The following KIAA1549L variants were observed in gnomAD, a reference collection of about 807,000 sequenced individuals.
KIAA1549L encodes the protein UPF0606 protein KIAA1549L.
Under a neutral mutation model 160.7 loss-of-function variants are expected in KIAA1549L, and 88 were observed. The observed-to-expected ratio is 0.55, with a 90% CI of 0.46 to 0.65. The LOEUF (loss-of-function observed/expected upper bound fraction) is 0.65. KIAA1549L is among the 30% of genes least tolerant of loss of function. The pLI is 0.00. For synonymous variants in KIAA1549L, 950 were observed against 976.7 expected (o/e 0.97, Z 0.51); for missense variants, 2,258 against 2,437.5 (o/e 0.93, Z 1.55).
intron 1 of KIAA1549L, among the ~76,000 whole-genome samples, chr11:33,447,647 A>ACACACACAC (rs1565141326): frequency 4.0e-5 from 6 of 151,200 alleles, no homozygotes; most frequent in South Asian, 2.1e-4. Context: ...ACACACACAC[A>ACACACACAC]AAATTTTAGC....
At chr11:33,430,590 T>G (rs1851218421) in intron 1 of KIAA1549L, among the ~76,000 whole-genome samples, 1 of 152,208 alleles carries the variant, frequency 6.6e-6, no homozygotes, top group African/African-American at 2.4e-5. Flanking sequence ...ATGGTGAAGC[T>G]TTGAAGCAGT....
chr11:33,606,908 T>G (rs561717166), intron 14 of KIAA1549L, 86 bp downstream of exon 14: 1 of 1,189,424 alleles, frequency 8.4e-7, no homozygotes, highest in African/African-American at 1.5e-5. Flanking sequence ...GAATACTGGG[T>G]GCAGATTGCA....
At chr11:33,387,206 C>T (rs1431928721) in intron 1 of KIAA1549L, among the ~76,000 whole-genome samples, 6 of 152,152 alleles carry the variant, frequency 3.9e-5, no homozygotes, top group South Asian at 4.2e-4. Flanking sequence ...TTTTAAGGCC[C>T]GTGAGCTTAC....
intron 1 of KIAA1549L, among the ~76,000 whole-genome samples, chr11:33,408,599 T>C (rs1450920585): frequency 6.6e-6 from 1 of 151,016 alleles, no homozygotes; most frequent in African/African-American, 2.4e-5. Flanking sequence ...TGAGCAAGTT[T>C]TTTTGGCACC....
At chr11:33,568,036 T>G in intron 8 of KIAA1549L, 40 bp from the exon 9 acceptor site, 1 of 1,544,230 alleles carries the variant, frequency 6.5e-7, no homozygotes, top group Non-Finnish European at 8.7e-7. Flanking sequence ...CAGCAGAAAG[T>G]CTGCCTTCTG....
intron 1 of KIAA1549L, among the ~76,000 whole-genome samples, chr11:33,498,067 T>C (rs2133081100): frequency 6.6e-6 from 1 of 152,256 alleles, no homozygotes; most frequent in African/African-American, 2.4e-5. Flanking sequence ...GGAGGGAAGA[T>C]TGCTTGAGGC....
chr11:33,516,342 G>A lies in KIAA1549L; in HGVS notation c.239-25460G>A, dbSNP rs1224853636. Among the ~76,000 whole-genome samples the A allele has an allele frequency of 9.6e-5, 3 of 31,150 alleles. 1 individual carries two copies. The highest frequency in any genetic ancestry group is 8.1e-4 in the Admixed American group (3 of 3,700). The allele number at this position is 31,150 out of a possible 152,430, so 20.4% of individuals were successfully genotyped here. A position where few individuals can be genotyped will look rare whatever the true frequency, so the allele number is the denominator to read the frequency against. On this transcript the variant is annotated intron_variant, in intron 1 of 20. Transcript: ENST00000658780. Reference sequence around the variant, plus strand: ...AATTTTTTGTATTTTTAGTAGAGACGGGGTTTCACCGTGTTAGCCAGGATG... The same window carrying A: ...AATTTTTTGTATTTTTAGTAGAGACAGGGTTTCACCGTGTTAGCCAGGATG...
chr11:33,576,870 G>T (rs1256427962), intron 10 of KIAA1549L, among the ~76,000 whole-genome samples: 1 of 152,178 alleles, frequency 6.6e-6, no homozygotes, highest in Non-Finnish European at 1.5e-5. Context: ...TTGTAGACGT[G>T]TTAGGTGTGA....
intron 10 of KIAA1549L, among the ~76,000 whole-genome samples, chr11:33,577,507 G>A (rs1212181843): frequency 6.6e-6 from 1 of 152,190 alleles, no homozygotes; most frequent in Non-Finnish European, 1.5e-5. Context: ...TGGTGCACGG[G>A]TGAAGGGGTC....
intron 1 of KIAA1549L, among the ~76,000 whole-genome samples, chr11:33,379,940 G>A (rs1019970529): frequency 3.3e-5 from 5 of 152,224 alleles, no homozygotes; most frequent in Admixed American, 6.5e-5. Flanking sequence ...CTCAAGAAGA[G>A]GGCGATCAAG....
chr11:33,517,490 T>G (rs1853374909), intron 1 of KIAA1549L, among the ~76,000 whole-genome samples: 1 of 152,098 alleles, frequency 6.6e-6, no homozygotes, highest in Non-Finnish European at 1.5e-5. Context: ...TCCTTGGTGT[T>G]GATAGAGAAT....
chr11:33,605,138 G>A (rs1326178682), intron 13 of KIAA1549L, among the ~76,000 whole-genome samples: 1 of 150,134 alleles, frequency 6.7e-6, no homozygotes, highest in Non-Finnish European at 1.5e-5. Context: ...AGAGCAAGGT[G>A]GAAGTCATGA....
intron 12 of KIAA1549L, among the ~76,000 whole-genome samples, chr11:33,592,327 T>C (rs2133289614): frequency 6.6e-6 from 1 of 152,310 alleles, no homozygotes; most frequent in Middle Eastern, 3.4e-3. Flanking sequence ...GTTAGAAGGA[T>C]ACTTTGATGG....
intron 1 of KIAA1549L, among the ~76,000 whole-genome samples, chr11:33,536,904 A>C (rs1853906892): frequency 6.6e-6 from 1 of 152,156 alleles, no homozygotes; most frequent in Admixed American, 6.5e-5. Flanking sequence ...TCTGTTCTTC[A>C]TGCCAGGATG....
intron 1 of KIAA1549L, among the ~76,000 whole-genome samples, chr11:33,484,584 CGTT>C (rs966785161): frequency 3.0e-4 from 45 of 152,310 alleles, no homozygotes; most frequent in African/African-American, 9.9e-4. Context: ...TCCCTAGAGT[CGTT>C]GTGAGAATGA....
intron 8 of KIAA1549L, among the ~76,000 whole-genome samples, chr11:33,565,259 C>T (rs1240337459): frequency 6.6e-6 from 1 of 152,170 alleles, no homozygotes; most frequent in Non-Finnish European, 1.5e-5. Context: ...GGAGGAGCCA[C>T]ATCCTGGGAC....
chr11:33,615,332 T>G (rs1362111178), intron 15 of KIAA1549L, among the ~76,000 whole-genome samples: 1 of 152,176 alleles, frequency 6.6e-6, no homozygotes, highest in Non-Finnish European at 1.5e-5. Context: ...TTTCTTAAAC[T>G]GTATTGGGAT....
intron 20 of KIAA1549L, among the ~76,000 whole-genome samples, chr11:33,667,669 C>T (rs1852517736): frequency 6.6e-6 from 1 of 152,236 alleles, no homozygotes; most frequent in African/African-American, 2.4e-5. Context: ...GCCGGGATTA[C>T]AGGCGTGAGC....
chr11:33,508,158 G>T lies in KIAA1549L; in HGVS notation c.239-33644G>T, dbSNP rs1181845363. Among the ~76,000 whole-genome samples the T allele has an allele frequency of 2.0e-5, 3 of 152,188 alleles. No homozygotes were observed. In the East Asian group the frequency reaches 5.8e-4, roughly 29 times the overall value. On this transcript the variant is annotated intron_variant, in intron 1 of 20. Transcript: ENST00000658780. Reference sequence around the variant, plus strand: ...TCTTGCGCAATGCATCTGCTCCAGGGAACCTAATTCCCACATAAAACCTCT... The same window carrying T: ...TCTTGCGCAATGCATCTGCTCCAGGTAACCTAATTCCCACATAAAACCTCT...
Sources: gnomAD v4.1 joint callset for allele counts (sites outside exome capture counted in the v4.1 genomes callset) on GRCh38, gnomAD v4.1.1 for gene constraint, MANE v1.5 for transcripts, NCBI Gene and HGNC (gene_info 2026-07-23, HGNC 2026-07-21) for gene names.